Variants in TOX2 observed in about 807,000 individuals in gnomAD.
The protein encoded by TOX2 is granulosa cell HMG box 1.
TOX2 carries 15 observed loss-of-function variants against 47.4 expected under a neutral mutation model. That is an observed-to-expected ratio of 0.32 (90% CI 0.21 to 0.49). The LOEUF (loss-of-function observed/expected upper bound fraction) is 0.49. Among genes scored for constraint, TOX2 ranks in the 20% least tolerant of loss-of-function variants. TOX2 has a pLI of 0.99. For synonymous variants in TOX2, 290 were observed against 296.6 expected (o/e 0.98, Z 0.23); for missense variants, 622 against 673.1 (o/e 0.92, Z 0.84).
rs1041823636 is a variant in TOX2 at position 44,068,789 on chromosome 20, C to T, written c.*103C>T. On this transcript the variant is annotated 3_prime_UTR_variant, in exon 9 of 9. Transcript: ENST00000341197. ...CCTGGCCAGAGGCAGGGTGGCCCAT[C>T]GGAGAGAGCAGTGACACACCCATTG... is the stretch of plus-strand genomic sequence containing the variant. The T allele has an allele frequency of 2.7e-6, 4 of 1,491,912 alleles. No homozygotes were observed. The highest frequency in any genetic ancestry group is 3.7e-6 in the Non-Finnish European group (4 of 1,084,942). The allele number at this position is 1,491,912 out of a possible 1,614,324, so 92.4% of individuals were successfully genotyped here.
intron 1 of TOX2, among the ~76,000 whole-genome samples, chr20:43,925,017 T>A (rs74363828): frequency 0.053 from 8,121 of 152,306 alleles, 658 homozygotes; most frequent in African/African-American, 0.17. Flanking sequence ...TTCCCAGAAT[T>A]CTGAGTTTCT....
chr20:43,918,473 C>T (rs897281276), intron 1 of TOX2, among the ~76,000 whole-genome samples: 2 of 152,176 alleles, frequency 1.3e-5, no homozygotes, highest in South Asian at 4.1e-4. Context: ...ATAGACAGCA[C>T]GCCTTATCCC....
At chr20:43,979,728 G>C (rs377460856) in intron 2 of TOX2, among the ~76,000 whole-genome samples, 1 of 151,866 alleles carries the variant, frequency 6.6e-6, no homozygotes, top group East Asian at 1.9e-4. Context: ...GATTTGAATA[G>C]ACATTTCTTA....
intron 1 of TOX2, 142 bp from the exon 2 acceptor site, chr20:43,973,225 T>C (rs1215948642): frequency 1.6e-5 from 12 of 749,078 alleles, no homozygotes; most frequent in Non-Finnish European, 2.6e-5. Flanking sequence ...AATGGGGCTT[T>C]GGGCATCCTG....
intron 2 of TOX2, among the ~76,000 whole-genome samples, chr20:43,996,413 T>A (rs1600720197): frequency 1.3e-5 from 2 of 152,214 alleles, no homozygotes; most frequent in South Asian, 4.1e-4. Context: ...ACAAGAGGCG[T>A]GGAGCAGGCC....
rs570863976 is a variant in TOX2 at position 43,982,178 on chromosome 20, C to G, written c.165+8746C>G. Among the ~76,000 whole-genome samples the G allele has an allele frequency of 8.5e-5, 13 of 152,106 alleles. No homozygotes were observed. In the East Asian group the frequency reaches 2.1e-3, roughly 25 times the overall value. ...GCTTTGTAGATGGGTTGGCTGGGAG[C>G]AGAGGGTGTCTGCACCTGAAGGTGT... On this transcript the variant is annotated intron_variant, in intron 2 of 8. Transcript: ENST00000341197.
chr20:43,923,192 A>C (rs1412738541), intron 1 of TOX2, among the ~76,000 whole-genome samples: 1 of 152,126 alleles, frequency 6.6e-6, no homozygotes, highest in Non-Finnish European at 1.5e-5. Flanking sequence ...GATGGTTATG[A>C]AGAGCCTTGC....
chr20:44,048,278 A>G (rs534007499), intron 3 of TOX2, among the ~76,000 whole-genome samples: 11 of 151,498 alleles, frequency 7.3e-5, no homozygotes, highest in Non-Finnish European at 1.3e-4. Context: ...AGCAACGTGT[A>G]TTCACAATAT....
At chr20:44,056,603 T>C (rs1261232069) in intron 5 of TOX2, among the ~76,000 whole-genome samples, 1 of 152,208 alleles carries the variant, frequency 6.6e-6, no homozygotes, top group African/African-American at 2.4e-5. Context: ...CTTACCTGTC[T>C]GACGTTTTAT....
intron 3 of TOX2, among the ~76,000 whole-genome samples, chr20:44,016,717 G>T (rs2070884830): frequency 6.6e-6 from 1 of 152,152 alleles, no homozygotes; most frequent in African/African-American, 2.4e-5. Flanking sequence ...TGCTGAGAAG[G>T]CTGTTCCACC....
intron 1 of TOX2, among the ~76,000 whole-genome samples, chr20:43,930,586 A>C (rs2145317183): frequency 6.6e-6 from 1 of 152,218 alleles, no homozygotes; most frequent in East Asian, 1.9e-4. Context: ...CTTTGTCAGG[A>C]GGGAGGCGTC....
At chr20:43,955,839 C>T (rs1009566712) in intron 1 of TOX2, among the ~76,000 whole-genome samples, 2 of 152,060 alleles carry the variant, frequency 1.3e-5, no homozygotes, top group Non-Finnish European at 2.9e-5. Flanking sequence ...CTCAGACTCC[C>T]GTTTCCCCAT....
At chr20:44,012,900 A>T (rs557415477) in intron 3 of TOX2, among the ~76,000 whole-genome samples, 1 of 152,336 alleles carries the variant, frequency 6.6e-6, no homozygotes, top group South Asian at 2.1e-4. Flanking sequence ...TCTTGCCAAG[A>T]TAGGCCCTTC....
Position 44,006,729 on chromosome 20 carries a change from A to C in TOX2, c.348A>C (p.Pro116=). Residue 116 remains proline (P), a synonymous_variant, in exon 3 of 9, where the codon CCA becomes CCC. Coordinates refer to ENST00000341197, the MANE Select transcript of TOX2 (RefSeq NM_001098797.2). Reference sequence around the variant, plus strand: ...ACTCCTATCAGGCCATGGACCTCCCAGCCATCATGGTGTCCAACATGCTAG... The same window carrying C: ...ACTCCTATCAGGCCATGGACCTCCCCGCCATCATGGTGTCCAACATGCTAG... ...PAYSYQAMDL[P]AIMVSNMLAQ... is the part of the protein sequence containing the mutation. 1 of 1,614,104 alleles carries C rather than the reference A, an allele frequency of 6.2e-7. No individual in the cohort carries two copies. Among genetic ancestry groups the C allele is most frequent in the Admixed American group, 1.7e-5 (1 of 60,010 alleles).
At chr20:44,045,128 T>G (rs1388137700) in intron 3 of TOX2, among the ~76,000 whole-genome samples, 2 of 152,190 alleles carry the variant, frequency 1.3e-5, no homozygotes, top group Admixed American at 6.6e-5. Context: ...TGGGGAGTTC[T>G]TATTTACTAG....
intron 3 of TOX2, among the ~76,000 whole-genome samples, chr20:44,049,869 C>T (rs1384589231): frequency 1.3e-5 from 2 of 152,184 alleles, no homozygotes; most frequent in African/African-American, 4.8e-5. Flanking sequence ...GTATGTACCA[C>T]ATTTTCTTTC....
At chr20:44,046,562 T>C (rs918454889) in intron 3 of TOX2, among the ~76,000 whole-genome samples, 2 of 152,180 alleles carry the variant, frequency 1.3e-5, no homozygotes, top group South Asian at 2.1e-4. Flanking sequence ...TACCAGCAGA[T>C]GAATGGATAA....
intron 3 of TOX2, among the ~76,000 whole-genome samples, 179 bp downstream of exon 3, chr20:44,006,971 G>T (rs539492519): frequency 2.6e-5 from 4 of 152,294 alleles, no homozygotes; most frequent in Non-Finnish European, 4.4e-5. Flanking sequence ...ATGGGAGTCT[G>T]TGGGACACGG....
Position 44,037,723 on chromosome 20 carries a change from A to C in TOX2, c.412-13583A>C, listed in dbSNP as rs6031310. On this transcript the variant is annotated intron_variant, in intron 3 of 8. Transcript: ENST00000341197. ...ATTGCTATCATTTTCTATAAAACAA[A>C]GACGTTGGGATCTATTGGAAAGTGC... Among the ~76,000 whole-genome samples, 3 of 151,876 alleles carry C rather than the reference A, an allele frequency of 2.0e-5. No individual in the cohort carries two copies. In the East Asian group the frequency reaches 5.8e-4, roughly 29 times the overall value.
Sources: gnomAD v4.1 joint callset for allele counts (sites outside exome capture counted in the v4.1 genomes callset) on GRCh38, gnomAD v4.1.1 for gene constraint, MANE v1.5 for transcripts, NCBI Gene and HGNC (gene_info 2026-07-23, HGNC 2026-07-21) for gene names.